The following SOX5 variants were observed in gnomAD, a reference collection of about 807,000 sequenced individuals.
The protein encoded by SOX5 is transcription factor SOX-5.
In SOX5, 9 loss-of-function variants were observed where a neutral mutation model predicts 92.0. The observed-to-expected ratio is 0.10, with a 90% CI of 0.06 to 0.17. The LOEUF is 0.17. SOX5 is among the 10% of genes least tolerant of loss of function. The pLI, the probability that SOX5 is intolerant of heterozygous loss-of-function variation, is 1.00. For missense variants in SOX5, 642 were observed against 944.5 expected (o/e 0.68, Z 4.20); for synonymous variants, 344 against 336.3 (o/e 1.02, Z -0.25).
At chr12:23,619,049 G>A (rs2076886936) in intron 8 of SOX5, among the ~76,000 whole-genome samples, 3 of 152,030 alleles carry the variant, frequency 2.0e-5, no homozygotes, top group Admixed American at 2.0e-4. Flanking sequence ...TTGTTGTTTT[G>A]GTTGCTGTTT....
chr12:23,742,711 G>T (rs2093841950), intron 4 of SOX5, among the ~76,000 whole-genome samples: 1 of 152,148 alleles, frequency 6.6e-6, no homozygotes, highest in Non-Finnish European at 1.5e-5. Context: ...CTAGCCCAAG[G>T]CTGGGTGCAG....
rs576775746 is a variant in SOX5, at chr12:23,538,457, AGGTT to A, written c.1772-1792_1772-1789del. On this transcript the variant is annotated intron_variant, in intron 13 of 14. Coordinates refer to ENST00000451604, the MANE Select transcript of SOX5 (RefSeq NM_006940.6). ...TGTTTAAATAGCATCATCCAACATT[AGGTT>A]GGTTGGTCAAGCCATATCATTTGTA... is the stretch of plus-strand genomic sequence containing the variant. 1.4e-4 allele frequency among the ~76,000 whole-genome samples: 21 copies of A among 152,342 alleles called. No homozygotes were observed. The South Asian group carries it at 4.3e-3, about 32-fold the overall frequency.
intron 2 of SOX5, among the ~76,000 whole-genome samples, chr12:24,363,985 T>A (rs1955880081): frequency 6.6e-6 from 1 of 152,204 alleles, no homozygotes; most frequent in Non-Finnish European, 1.5e-5. Flanking sequence ...GGATCAGTTG[T>A]CTGACATGTT....
chr12:23,950,301 A>C (rs1457483838), upstream of SOX5, among the ~76,000 whole-genome samples: 1 of 151,804 alleles, frequency 6.6e-6, no homozygotes, highest in African/African-American at 2.4e-5. Flanking sequence ...CACAACAATC[A>C]GGCATTGTTC....
chr12:24,332,288 T>C (rs79474975), intron 2 of SOX5, among the ~76,000 whole-genome samples: 169 of 152,334 alleles, frequency 1.1e-3, no homozygotes, highest in African/African-American at 3.9e-3. Flanking sequence ...CAATACTGTA[T>C]GCTAGAAGTC....
chr12:23,704,820 G>A (rs557598359), intron 6 of SOX5, among the ~76,000 whole-genome samples: 79 of 148,874 alleles, frequency 5.3e-4, no homozygotes, highest in Non-Finnish European at 8.8e-4. Context: ...ACATTTATTC[G>A]TTATACACAC....
At position 24,258,128 on chromosome 12, in the gene SOX5, G is replaced by A. The variant is rs563073064; in HGVS notation, c.-77+19088C>T. 2.0e-4 allele frequency among the ~76,000 whole-genome samples: 30 copies of A among 152,248 alleles called. No individual in the cohort carries two copies. In the South Asian group the frequency reaches 5.6e-3, roughly 28 times the overall value. On this transcript the variant is annotated intron_variant, in intron 3 of 4. Transcript: ENST00000446891. ...GCGGAGGCTGCAGTGAGCCGAGATC[G>A]TGCCACTGCACTCCAGCCTGGTAAC... is the stretch of plus-strand genomic sequence containing the variant.
intron 3 of SOX5, among the ~76,000 whole-genome samples, chr12:23,800,684 G>C (rs1437301565): frequency 6.6e-6 from 1 of 151,964 alleles, no homozygotes; most frequent in Non-Finnish European, 1.5e-5. Context: ...CTCCTCTAAA[G>C]TACTACATTT....
intron 1 of SOX5, among the ~76,000 whole-genome samples, chr12:23,937,968 C>T (rs777564100): frequency 2.0e-5 from 3 of 150,430 alleles, no homozygotes; most frequent in Non-Finnish European, 4.5e-5. Flanking sequence ...ATAAAATGTG[C>T]GCTTTTTTTT....
chr12:23,586,615 T>A (rs1950782552), intron 9 of SOX5, among the ~76,000 whole-genome samples: 1 of 151,512 alleles, frequency 6.6e-6, no homozygotes, highest in Non-Finnish European at 1.5e-5. Context: ...AAAGTTATCA[T>A]TTCCTTATTC....
At chr12:24,413,769 A>C (rs1025219575) in intron 1 of SOX5, among the ~76,000 whole-genome samples, 3 of 152,216 alleles carry the variant, frequency 2.0e-5, no homozygotes, top group African/African-American at 7.2e-5. Context: ...TCCAAGCATG[A>C]AATTCTAAGA....
chr12:24,495,900 AT>A (rs1469016710), intron 1 of SOX5, among the ~76,000 whole-genome samples: 1 of 152,144 alleles, frequency 6.6e-6, no homozygotes, highest in African/African-American at 2.4e-5. Flanking sequence ...TGAGGTTGGG[AT>A]TTTTGACTCT....
chr12:23,815,876 C>T (rs2095980883), intron 3 of SOX5, among the ~76,000 whole-genome samples: 1 of 152,046 alleles, frequency 6.6e-6, no homozygotes, highest in Non-Finnish European at 1.5e-5. Flanking sequence ...CTATAAAGGG[C>T]TAGATAGGAA....
At chr12:23,749,603 TATA>T in intron 4 of SOX5, among the ~76,000 whole-genome samples, 1 of 151,928 alleles carries the variant, frequency 6.6e-6, no homozygotes, top group Non-Finnish European at 1.5e-5. Flanking sequence ...ATGTACGCAT[TATA>T]ATTTCTATAG....
chr12:24,271,612 C>T (rs1036694036), intron 3 of SOX5, among the ~76,000 whole-genome samples: 14 of 152,062 alleles, frequency 9.2e-5, no homozygotes, highest in Non-Finnish European at 2.1e-4. Flanking sequence ...TTGTTCTGTC[C>T]CTTACACTTA....
intron 2 of SOX5, among the ~76,000 whole-genome samples, chr12:24,360,390 T>C (rs1420095811): frequency 6.6e-6 from 1 of 152,202 alleles, no homozygotes; most frequent in Admixed American, 6.5e-5. Context: ...TGAATAGTCC[T>C]TATGTTTTAT....
At chr12:23,986,385 A>G (rs906821943) in intron 4 of SOX5, among the ~76,000 whole-genome samples, 1 of 152,170 alleles carries the variant, frequency 6.6e-6, no homozygotes, top group African/African-American at 2.4e-5. Flanking sequence ...ACATGTATAA[A>G]GTAGGTATCT....
chr12:24,363,899 C>CTTG (rs1212437674), intron 2 of SOX5, among the ~76,000 whole-genome samples: 3 of 152,154 alleles, frequency 2.0e-5, no homozygotes, highest in African/African-American at 7.2e-5. Flanking sequence ...TGTCACCAAC[C>CTTG]TCAAGCTTTC....
intron 9 of SOX5, among the ~76,000 whole-genome samples, chr12:23,577,191 A>ATATATATTT (rs71059907): frequency 4.1e-4 from 25 of 61,402 alleles, no homozygotes; most frequent in African/African-American, 8.0e-4. Flanking sequence ...ATATATATAT[A>ATATATATTT]TTTTTTTTTT....
Sources: allele counts gnomAD v4.1 joint callset (sites outside exome capture counted in the v4.1 genomes callset), GRCh38; gene constraint gnomAD v4.1.1; transcripts MANE v1.5; gene names NCBI Gene and HGNC (gene_info 2026-07-23, HGNC 2026-07-21).